The following ASTN2 variants were observed in gnomAD, a reference collection of about 807,000 sequenced individuals.
ASTN2 encodes astrotactin-2.
ASTN2 carries 54 observed loss-of-function variants against 139.8 expected under a neutral mutation model. The ratio of observed to expected loss-of-function variants is 0.39; its 90% confidence interval spans 0.31 to 0.48. The LOEUF is 0.48. Ranked by LOEUF, ASTN2 falls within the 20% of genes least tolerant of loss-of-function variation. The pLI is 0.95. For synonymous variants in ASTN2, 756 were observed against 719.5 expected (o/e 1.05, Z -0.81); for missense variants, 1,565 against 1,725.1 (o/e 0.91, Z 1.64).
chr9:116,487,263 A>G, intron 20 of ASTN2, 96 bp downstream of exon 20: 1 of 1,460,316 alleles, frequency 6.8e-7, no homozygotes, highest in East Asian at 2.3e-5. Flanking sequence ...CTAATAAAAC[A>G]TTTGGCTGGC....
intron 7 of ASTN2, among the ~76,000 whole-genome samples, chr9:116,992,532 C>T (rs946064275): frequency 6.6e-6 from 1 of 152,146 alleles, no homozygotes; most frequent in Admixed American, 6.5e-5. Context: ...CCTGAGGTGC[C>T]TCATTCAGTT....
At chr9:116,797,746 G>T (rs566745023) in intron 13 of ASTN2, among the ~76,000 whole-genome samples, 1 of 152,272 alleles carries the variant, frequency 6.6e-6, no homozygotes, top group South Asian at 2.1e-4. Flanking sequence ...AGACCTGAGA[G>T]TGCACAAACA....
chr9:117,168,183 G>A (rs1202240425), intron 3 of ASTN2, among the ~76,000 whole-genome samples: 1 of 152,090 alleles, frequency 6.6e-6, no homozygotes, highest in African/African-American at 2.4e-5. Flanking sequence ...AACAATAGGA[G>A]GGAGAGCTCT....
intron 19 of ASTN2, among the ~76,000 whole-genome samples, chr9:116,552,887 T>G (rs1852416859): frequency 6.6e-6 from 1 of 152,232 alleles, no homozygotes; most frequent in Non-Finnish European, 1.5e-5. Flanking sequence ...CTTGGGATTT[T>G]ATGGCTTACA....
chr9:116,842,180 A>G (rs143237522), intron 11 of ASTN2, among the ~76,000 whole-genome samples: 69 of 152,356 alleles, frequency 4.5e-4, no homozygotes, highest in African/African-American at 1.5e-3. Context: ...TTAGGGACAG[A>G]GAGGTTGCTT....
intron 7 of ASTN2, among the ~76,000 whole-genome samples, chr9:116,997,351 A>G (rs1306273172): frequency 6.6e-6 from 1 of 152,210 alleles, no homozygotes; most frequent in African/African-American, 2.4e-5. Flanking sequence ...CATTTAAACC[A>G]AATATATCAA....
chr9:116,856,443 T>C (rs1175875258), intron 11 of ASTN2, among the ~76,000 whole-genome samples: 1 of 152,200 alleles, frequency 6.6e-6, no homozygotes, highest in Non-Finnish European at 1.5e-5. Context: ...TTTCTCACTC[T>C]GCTGACTCTT....
At chr9:116,844,848 A>G (rs1404730174) in intron 11 of ASTN2, among the ~76,000 whole-genome samples, 1 of 152,170 alleles carries the variant, frequency 6.6e-6, no homozygotes, top group East Asian at 1.9e-4. Flanking sequence ...TTCAACACAC[A>G]CTTACTGAAG....
intron 2 of ASTN2, among the ~76,000 whole-genome samples, chr9:117,272,631 G>A (rs908209533): frequency 6.6e-6 from 1 of 152,154 alleles, no homozygotes; most frequent in African/African-American, 2.4e-5. Context: ...ATGCTTTGCT[G>A]CTTAGAAATT....
intron 19 of ASTN2, among the ~76,000 whole-genome samples, chr9:116,601,735 A>C (rs991662024): frequency 6.6e-6 from 1 of 152,210 alleles, no homozygotes; most frequent in Non-Finnish European, 1.5e-5. Flanking sequence ...TTGTAGGGAG[A>C]TGATAGCAAA....
At chr9:116,802,456 C>A (rs762808541) in intron 13 of ASTN2, among the ~76,000 whole-genome samples, 1 of 152,160 alleles carries the variant, frequency 6.6e-6, no homozygotes. Flanking sequence ...GTCAGGAGAA[C>A]TGAGAACGTG....
intron 19 of ASTN2, among the ~76,000 whole-genome samples, chr9:116,490,753 G>T (rs762089790): frequency 6.6e-6 from 1 of 152,004 alleles, no homozygotes; most frequent in African/African-American, 2.4e-5. Context: ...GAACAGCATG[G>T]GGTAACCACC....
chr9:116,759,655 T>C (rs936972284), intron 13 of ASTN2, among the ~76,000 whole-genome samples: 1 of 152,220 alleles, frequency 6.6e-6, no homozygotes, highest in Non-Finnish European at 1.5e-5. Flanking sequence ...CCAAGAAGCC[T>C]GACGTGATCA....
chr9:116,781,973 A>G (rs1406512277), intron 13 of ASTN2, among the ~76,000 whole-genome samples: 1 of 152,158 alleles, frequency 6.6e-6, no homozygotes, highest in Non-Finnish European at 1.5e-5. Context: ...TAGTGGCAGC[A>G]TCAGCATTCA....
At chr9:116,686,572 C>A in intron 16 of ASTN2, 1 of 986,958 alleles carries the variant, frequency 1.0e-6, no homozygotes, top group Non-Finnish European at 1.5e-6. Context: ...TGTATCAGAC[C>A]TCGTCCTTGC....
At chr9:116,749,276 G>A (rs1203320911) in intron 13 of ASTN2, among the ~76,000 whole-genome samples, 2 of 152,128 alleles carry the variant, frequency 1.3e-5, no homozygotes, top group East Asian at 1.9e-4. Context: ...CACTCAAAAA[G>A]CTTGTTGTGA....
At chr9:116,624,506 G>A (rs545212471) in intron 17 of ASTN2, among the ~76,000 whole-genome samples, 94 of 152,180 alleles carry the variant, frequency 6.2e-4, no homozygotes, top group Non-Finnish European at 1.1e-3. Flanking sequence ...AATACAGAAG[G>A]AAGGGGGCTC....
rs386416019 is a variant in ASTN2, at chr9:116,453,593, C to CAAAA, written c.3498-11044_3498-11041dup. On this transcript the variant is annotated intron_variant, in intron 20 of 22. Transcript: ENST00000313400. ...TGGGCAAAAGTGCGAGACTCCGTCT[C>CAAAA]AAAAAAAAAAAAAAAAAAAAAAAAA... is the stretch of plus-strand genomic sequence containing the variant. 6.7e-3 allele frequency among the ~76,000 whole-genome samples: 391 copies of CAAAA among 58,780 alleles called. 38 individuals are homozygous for CAAAA. Among genetic ancestry groups the CAAAA allele is most frequent in the African/African-American group, 0.024 (296 of 12,236 alleles). The allele number at this position is 58,780 out of a possible 152,430, so 38.6% of individuals were successfully genotyped here. A position where few individuals can be genotyped will look rare whatever the true frequency, so the allele number is the denominator to read the frequency against.
intron 4 of ASTN2, among the ~76,000 whole-genome samples, chr9:117,113,420 C>T (rs971737670): frequency 3.3e-5 from 5 of 152,120 alleles, no homozygotes; most frequent in African/African-American, 1.2e-4. Context: ...CATTGGGAGG[C>T]CAAGCAGGGT....
Sources: gnomAD v4.1 joint callset for allele counts (sites outside exome capture counted in the v4.1 genomes callset) on GRCh38, gnomAD v4.1.1 for gene constraint, MANE v1.5 for transcripts, NCBI Gene and HGNC (gene_info 2026-07-23, HGNC 2026-07-21) for gene names.